WDR1: variants seen among roughly 807,000 people sequenced by gnomAD.
WDR1 encodes the protein WD repeat domain 1, also known as WD repeat-containing protein 1.
WDR1 carries 21 observed loss-of-function variants against 71.9 expected under a neutral mutation model. That is an observed-to-expected ratio of 0.29 (90% CI 0.21 to 0.42). The LOEUF (loss-of-function observed/expected upper bound fraction) is 0.42. WDR1 is among the 10% of genes least tolerant of loss of function. The pLI is 1.00. For synonymous variants in WDR1, 424 were observed against 347.4 expected (o/e 1.22, Z -2.45); for missense variants, 696 against 824.5 (o/e 0.84, Z 1.91).
chr4:10,106,231 A>C (rs544471677), intron 2 of WDR1, among the ~76,000 whole-genome samples: 1 of 152,300 alleles, frequency 6.6e-6, no homozygotes, highest in South Asian at 2.1e-4. Context: ...AATACAGACA[A>C]ATTCTACTGT....
intron 10 of WDR1, 131 bp from the exon 11 acceptor site, chr4:10,081,575 C>T: frequency 1.4e-6 from 1 of 713,126 alleles, no homozygotes; most frequent in Non-Finnish European, 2.3e-6. Context: ...ACTGGAGAGA[C>T]TTGCTAAAAT....
At chr4:10,114,613 T>A (rs182471347) in intron 2 of WDR1, among the ~76,000 whole-genome samples, 4 of 152,226 alleles carry the variant, frequency 2.6e-5, no homozygotes, top group African/African-American at 9.6e-5. Context: ...TGTTAGTGGA[T>A]TTTATTTGCC....
At chr4:10,080,506 GAC>G (rs1340189019) in intron 11 of WDR1, among the ~76,000 whole-genome samples, 3 of 152,206 alleles carry the variant, frequency 2.0e-5, no homozygotes, top group Admixed American at 6.5e-5. Context: ...TATTATCTAG[GAC>G]ACAGAGAAAT....
At chr4:10,101,252 C>T (rs1026233682) in intron 3 of WDR1, among the ~76,000 whole-genome samples, 4 of 152,236 alleles carry the variant, frequency 2.6e-5, no homozygotes, top group Non-Finnish European at 4.4e-5. Context: ...CTCCCAGGTG[C>T]GCAGCCCTTC....
At chr4:10,081,795 T>C (rs1345584529) in intron 10 of WDR1, among the ~76,000 whole-genome samples, 2 of 152,148 alleles carry the variant, frequency 1.3e-5, no homozygotes, top group African/African-American at 2.4e-5. Context: ...TGGAGTTTAC[T>C]GAGCACAGAC....
intron 3 of WDR1, 94 bp downstream of exon 3, chr4:10,103,802 C>CCCCCA: frequency 4.2e-6 from 3 of 710,064 alleles, no homozygotes; most frequent in Non-Finnish European, 6.5e-6. Context: ...TCCCTCCTCC[C>CCCCCA]ACTCTCCCAA....
chr4:10,082,469 C>G (rs555365146), intron 10 of WDR1, among the ~76,000 whole-genome samples: 1 of 152,324 alleles, frequency 6.6e-6, no homozygotes. Context: ...TTTCAAGTCC[C>G]TCCAACTGCA....
At chr4:10,090,850 T>G (rs976475622) in intron 5 of WDR1, among the ~76,000 whole-genome samples, 1 of 152,254 alleles carries the variant, frequency 6.6e-6, no homozygotes, top group African/African-American at 2.4e-5. Flanking sequence ...ATGAGCAGAT[T>G]GTCCTCCCTG....
At chr4:10,094,415 G>C (rs1389245989) in intron 5 of WDR1, among the ~76,000 whole-genome samples, 1 of 152,222 alleles carries the variant, frequency 6.6e-6, no homozygotes, top group Admixed American at 6.5e-5. Context: ...ACAACAGAGA[G>C]AAACTCAGTG....
chr4:10,106,676 G>A (rs188110622), intron 2 of WDR1: 1 of 152,370 alleles, frequency 6.6e-6, no homozygotes, highest in African/African-American at 2.4e-5. Flanking sequence ...TCAGGGCTGT[G>A]TGTAAAAACC....
chr4:10,079,303 T>C (rs1308960013), intron 11 of WDR1, among the ~76,000 whole-genome samples: 2 of 152,214 alleles, frequency 1.3e-5, no homozygotes, highest in African/African-American at 2.4e-5. Flanking sequence ...TTGGCCTCGA[T>C]GGGAATCAAC....
chr4:10,088,807 T>C, intron 5 of WDR1, 66 bp from the exon 6 acceptor site: 1 of 1,225,036 alleles, frequency 8.2e-7, no homozygotes, highest in Non-Finnish European at 1.2e-6. Context: ...AAGAATGCTC[T>C]CTATGAAACA....
intron 11 of WDR1, among the ~76,000 whole-genome samples, chr4:10,079,837 G>A (rs1283290617): frequency 2.6e-5 from 4 of 152,194 alleles, no homozygotes; most frequent in Non-Finnish European, 5.9e-5. Flanking sequence ...TCTGTCATCT[G>A]CCCGGCTCTG....
intron 13 of WDR1, 96 bp from the exon 14 acceptor site, chr4:10,077,544 C>A: frequency 1.3e-6 from 2 of 1,572,488 alleles, no homozygotes; most frequent in Non-Finnish European, 1.7e-6. Context: ...CAATAAGGAC[C>A]GAGGTTTCTC....
chr4:10,116,469 G>A, intron 1 of WDR1, 182 bp downstream of exon 1: 6 of 706,156 alleles, frequency 8.5e-6, no homozygotes, highest in South Asian at 2.6e-5. Context: ...ACTTGGGGGC[G>A]CACCCCCCGT....
At chr4:10,092,735 G>A (rs1712075957) in intron 5 of WDR1, 2 of 267,898 alleles carry the variant, frequency 7.5e-6, no homozygotes, top group East Asian at 9.5e-5. Flanking sequence ...GCTAAAAATA[G>A]CCCTTTCCAC....
In WDR1 at chr4:10,088,215, C is replaced by T. The variant is rs563248843; in HGVS notation, c.717+78G>A. ...CTCATTTCAAGTTTTTGTCTAACTC[C>T]GGAGTGAGTGTGGATGGACTGACAC... On this transcript the variant is annotated intron_variant, in intron 7 of 14. Transcript: ENST00000499869. 6.2e-4 allele frequency: 856 copies of T among 1,374,168 alleles called. 12 individuals carry two copies. The African/African-American group carries it at 0.011, about 18-fold the overall frequency. The allele number at this position is 1,374,168 out of a possible 1,614,324, so 85.1% of individuals were successfully genotyped here.
rs1297191584 is a variant in WDR1, at chr4:10,104,099, A to G, written c.139-113T>C. On this transcript the variant is annotated intron_variant, in intron 2 of 14. Transcript: ENST00000499869. ...GGGTGTACAAAGAAACACTGAAGCT[A>G]AAACCGTGAAGAAAACCGCAGAAGC... 5.2e-6 allele frequency: 6 copies of G among 1,149,872 alleles called. No individual in the cohort carries two copies. In the African/African-American group the frequency reaches 7.7e-5, roughly 15 times the overall value. The allele number at this position is 1,149,872 out of a possible 1,614,324, so 71.2% of individuals were successfully genotyped here. A position where few individuals can be genotyped will look rare whatever the true frequency, so the allele number is the denominator to read the frequency against.
intron 4 of WDR1, 95 bp downstream of exon 4, chr4:10,098,897 G>C: frequency 1.9e-6 from 3 of 1,555,898 alleles, no homozygotes; most frequent in Non-Finnish European, 2.6e-6. Context: ...GTGCAAGTTA[G>C]TACAGACATC....
Sources: allele counts gnomAD v4.1 joint callset (sites outside exome capture counted in the v4.1 genomes callset), GRCh38; gene constraint gnomAD v4.1.1; transcripts MANE v1.5; gene names NCBI Gene and HGNC (gene_info 2026-07-23, HGNC 2026-07-21).